YIPF4: variants seen among roughly 807,000 people sequenced by gnomAD.
YIPF4 encodes protein YIPF4.
A neutral mutation model predicts 29.4 loss-of-function variants in YIPF4; 18 were observed. That is an observed-to-expected ratio of 0.61 (90% CI 0.42 to 0.91). The LOEUF (loss-of-function observed/expected upper bound fraction) is 0.91, where lower values mean the gene tolerates loss of function less well. Ranked by LOEUF, YIPF4 falls within the 40% of genes least tolerant of loss-of-function variation. YIPF4 has a pLI of 0.00. For missense variants in YIPF4, 279 were observed against 282.7 expected, an observed-to-expected ratio of 0.99 and a Z score of 0.09; for synonymous variants, 115 against 104.7, an observed-to-expected ratio of 1.10 and a Z score of -0.60.
rs578043960 is a variant in YIPF4, at chr2:32,294,039, G to A, written c.405+1691G>A. On this transcript the variant is annotated intron_variant, in intron 3 of 5. Transcript: ENST00000238831. ...GGACAGGGCGGCTGGCCGGGCAGAG[G>A]GGCTCCTCACTTCCCAGTAGGGGCG... 4.5e-3 allele frequency among the ~76,000 whole-genome samples: 649 copies of A among 143,846 alleles called. 6 individuals carry two copies. The highest frequency in any genetic ancestry group is 0.016 in the African/African-American group (609 of 38,326). 94.4% of individuals were successfully genotyped at this position (143,846 alleles called of 152,430 possible). A position where few individuals can be genotyped will look rare whatever the true frequency, so the allele number is the denominator to read the frequency against.
At position 32,307,129 on chromosome 2, in the gene YIPF4, T is replaced by C. The variant is rs1461410912; in HGVS notation, c.*1503T>C. 2.3e-6 allele frequency: 3 copies of C among 1,299,634 alleles called. No homozygotes were observed. Among genetic ancestry groups the C allele is most frequent in the South Asian group, 1.3e-5 (1 of 79,888 alleles). 80.5% of individuals were successfully genotyped at this position (1,299,634 alleles called of 1,614,324 possible). ...GTGAGAAGCACCAGAGGGACAGGACTTCTAGAAGTTAGAATAATATGAAGT... is the reference window on the plus strand; with the variant it reads ...GTGAGAAGCACCAGAGGGACAGGACCTCTAGAAGTTAGAATAATATGAAGT... On this transcript the variant is annotated 3_prime_UTR_variant, in exon 6 of 6. Coordinates refer to ENST00000238831, the MANE Select transcript of YIPF4 (RefSeq NM_032312.4).
At chr2:32,301,261 A>G in intron 4 of YIPF4, 121 bp from the exon 5 acceptor site, 1 of 656,078 alleles carries the variant, frequency 1.5e-6, no homozygotes, top group Non-Finnish European at 2.7e-6. Flanking sequence ...ATAATAGTTT[A>G]TGATTTCTTC....
In YIPF4 at chr2:32,278,173, G is replaced by T; in HGVS notation, c.18G>T (p.Pro6=). 1.9e-6 allele frequency: 3 copies of T among 1,567,690 alleles called. No individual in the cohort carries two copies. Among genetic ancestry groups the T allele is most frequent in the Non-Finnish European group, 2.6e-6 (3 of 1,157,430 alleles). Residue 6 remains proline, a synonymous_variant, in exon 1 of 6, where the codon CCG becomes CCT. Coordinates refer to ENST00000238831, the MANE Select transcript of YIPF4 (RefSeq NM_032312.4). MQPPG[P]PPAYAPTNGD... ...GCCGCGAGATGCAGCCTCCGGGCCC[G>T]CCCCCGGCCTATGCCCCCACTAACG... is the stretch of plus-strand genomic sequence containing the variant.
chr2:32,298,173 C>T, intron 3 of YIPF4, 61 bp from the exon 4 acceptor site: 1 of 1,322,032 alleles, frequency 7.6e-7, no homozygotes, highest in Non-Finnish European at 1.1e-6. Context: ...GAATCGAGTT[C>T]CTGGAAAATT....
chr2:32,283,027 A>G (rs866051995), intron 1 of YIPF4, among the ~76,000 whole-genome samples: 12 of 151,566 alleles, frequency 7.9e-5, no homozygotes, highest in South Asian at 4.2e-4. Context: ...CAGTGAGCCA[A>G]GATCGCGCCA....
intron 1 of YIPF4, among the ~76,000 whole-genome samples, chr2:32,279,468 G>A (rs1190250334): frequency 7.2e-6 from 1 of 138,518 alleles, no homozygotes; most frequent in East Asian, 2.2e-4. Flanking sequence ...TGCCATCTCG[G>A]CTCACTGCGA....
At position 32,307,752 on chromosome 2, in the gene YIPF4, C is replaced by A. The variant is rs1205558743; in HGVS notation, c.*2126C>A. The A allele has an allele frequency of 6.6e-6, 1 of 151,956 alleles. No individual in the cohort carries two copies. The highest frequency in any genetic ancestry group is 1.5e-5 in the Non-Finnish European group (1 of 68,058). 9.4% of individuals were successfully genotyped at this position (151,956 alleles called of 1,614,324 possible). ...GACCAGCCTGGCCAACATGGCGAAA[C>A]CCCGTCTCTACTAAAAATACAAAAA... On this transcript the variant is annotated 3_prime_UTR_variant, in exon 6 of 6. Transcript: ENST00000238831.
Position 32,312,105 on chromosome 2 carries a change from C to T in YIPF4, c.*6479C>T, listed in dbSNP as rs905348800. The T allele has an allele frequency of 6.6e-6, 1 of 152,128 alleles. No homozygotes were observed. Among genetic ancestry groups the T allele is most frequent in the African/African-American group, 2.4e-5 (1 of 41,418 alleles). 9.4% of individuals were successfully genotyped at this position (152,128 alleles called of 1,614,324 possible). A position where few individuals can be genotyped will look rare whatever the true frequency, so the allele number is the denominator to read the frequency against. On this transcript the variant is annotated 3_prime_UTR_variant, in exon 6 of 6. Coordinates refer to ENST00000238831, the MANE Select transcript of YIPF4 (RefSeq NM_032312.4). ...CTCTTCATGGAAAACAGTAAAAATA[C>T]TCACGTTTATGATGATGGGCCTAGG...
Position 32,287,958 on chromosome 2 carries a change from G to C in YIPF4, c.80-2525G>C, listed in dbSNP as rs183185672. The stretch of plus-strand genomic sequence containing the variant: ...ACCTAAAATTCATGTTTTACTATCT[G>C]GACGTCTATCCAAGAGCTGACAACC... On this transcript the variant is annotated intron_variant, in intron 1 of 5. Coordinates refer to ENST00000238831, the MANE Select transcript of YIPF4 (RefSeq NM_032312.4). Among the ~76,000 whole-genome samples the C allele has an allele frequency of 4.3e-3, 654 of 152,236 alleles. 2 individuals carry two copies. Among genetic ancestry groups the C allele is most frequent in the Non-Finnish European group, 7.2e-3 (490 of 68,022 alleles).
At chr2:32,298,993 T>G (rs1298919719) in intron 4 of YIPF4, among the ~76,000 whole-genome samples, 3 of 152,082 alleles carry the variant, frequency 2.0e-5, no homozygotes, top group Non-Finnish European at 4.4e-5. Context: ...TTCTCCTGCC[T>G]TAGCCTCCCG....
At position 32,297,912 on chromosome 2, in the gene YIPF4, A is replaced by G. The variant is rs561333634; in HGVS notation, c.406-322A>G. On this transcript the variant is annotated intron_variant, in intron 3 of 5. Coordinates refer to ENST00000238831, the MANE Select transcript of YIPF4 (RefSeq NM_032312.4). ...AGAAGATTGGTAACTTGCTTCAGAA[A>G]TAAATTTTTCTTCTGGGATGCTGTA... is the stretch of plus-strand genomic sequence containing the variant. Among the ~76,000 whole-genome samples, 7 of 152,296 alleles carry G rather than the reference A, an allele frequency of 4.6e-5. No homozygotes were observed. In the South Asian group the frequency reaches 1.5e-3, roughly 32 times the overall value.
intron 4 of YIPF4, among the ~76,000 whole-genome samples, chr2:32,299,368 T>C (rs1457368288): frequency 1.3e-5 from 2 of 152,222 alleles, no homozygotes. Context: ...TGAATGGAAA[T>C]TGGATTCTAA....
rs187348817 is a variant in YIPF4, at chr2:32,286,669, C to T, written c.80-3814C>T. ...CAAGTGATTCTCCTGCCTCAGCCTCCCGAGTAGCTGGGACTACAGGCGCAC... is the reference window on the plus strand; with the variant it reads ...CAAGTGATTCTCCTGCCTCAGCCTCTCGAGTAGCTGGGACTACAGGCGCAC... On this transcript the variant is annotated intron_variant, in intron 1 of 5. Transcript: ENST00000238831. Among the ~76,000 whole-genome samples, 436 of 152,140 alleles carry T rather than the reference C, an allele frequency of 2.9e-3. 3 individuals carry two copies. Among genetic ancestry groups the T allele is most frequent in the African/African-American group, 0.01 (421 of 41,484 alleles).
intron 4 of YIPF4, 40 bp downstream of exon 4, chr2:32,298,351 G>A (rs774376847): frequency 6.7e-6 from 10 of 1,498,492 alleles, no homozygotes; most frequent in Non-Finnish European, 8.3e-6. Context: ...CTTATTTATG[G>A]TGAGCTTAGT....
intron 1 of YIPF4, among the ~76,000 whole-genome samples, chr2:32,279,207 G>A (rs2148955732): frequency 6.6e-6 from 1 of 151,976 alleles, no homozygotes; most frequent in East Asian, 1.9e-4. Context: ...TCCTGACCTC[G>A]TGATCCGCCC....
chr2:32,290,770 T>A (rs2030876270), intron 2 of YIPF4, 134 bp downstream of exon 2: 2 of 501,434 alleles, frequency 4.0e-6, no homozygotes, highest in Middle Eastern at 6.2e-4. Context: ...ATTTTACTAG[T>A]AATTTAAAAA....
At chr2:32,300,282 A>T (rs2148966219) in intron 4 of YIPF4, among the ~76,000 whole-genome samples, 1 of 151,316 alleles carries the variant, frequency 6.6e-6, no homozygotes, top group Non-Finnish European at 1.5e-5. Context: ...AAAGATAAAA[A>T]AATTAGCCGG....
intron 3 of YIPF4, among the ~76,000 whole-genome samples, chr2:32,293,723 A>AC (rs1458378996): frequency 1.0e-3 from 148 of 142,594 alleles, no homozygotes; most frequent in Non-Finnish European, 1.8e-3. Flanking sequence ...CGGGGGGCTG[A>AC]CCCCCCAACC....
intron 1 of YIPF4, among the ~76,000 whole-genome samples, chr2:32,279,214 G>T (rs1355504640): frequency 1.3e-5 from 2 of 151,708 alleles, no homozygotes; most frequent in African/African-American, 4.8e-5. Context: ...CTCGTGATCC[G>T]CCCGCCTCGG....
Sources: gnomAD v4.1 joint callset for allele counts (sites outside exome capture counted in the v4.1 genomes callset) on GRCh38, gnomAD v4.1.1 for gene constraint, MANE v1.5 for transcripts, NCBI Gene and HGNC (gene_info 2026-07-23, HGNC 2026-07-21) for gene names.